Variants in RNF122 observed in about 807,000 individuals in gnomAD.
RNF122 encodes ring finger protein 122.
In RNF122, 17 loss-of-function variants were observed where a neutral mutation model predicts 24.2. The ratio of observed to expected loss-of-function variants is 0.70; its 90% CI spans 0.48 to 1.06. RNF122 has a LOEUF of 1.06. Ranked by LOEUF, RNF122 falls within the 50% of genes least tolerant of loss-of-function variation. The pLI, the probability that RNF122 is intolerant of heterozygous loss-of-function variation, is 0.00. For synonymous variants in RNF122, 65 were observed against 71.8 expected (o/e 0.91, Z 0.48); for missense variants, 168 against 198.1 (o/e 0.85, Z 0.91).
At chr8:33,548,906 G>C in intron 5 of RNF122, 39 bp from the exon 6 acceptor site, 1 of 1,348,224 alleles carries the variant, frequency 7.4e-7, no homozygotes, top group East Asian at 2.3e-5. Flanking sequence ...TAACCAGACA[G>C]ACCACGCTGC....
rs1337829210 is a variant in RNF122 at position 33,548,814 on chromosome 8, G to C, written c.407C>G (p.Pro136Arg). 1.9e-6 allele frequency: 3 copies of C among 1,613,852 alleles called. No homozygotes were observed. In the African/African-American group the frequency reaches 4.0e-5, roughly 22 times the overall value. Residue 136 changes from proline (P) to arginine (R), a missense_variant, in exon 6 of 6, where the codon CCC becomes CGC. Coordinates refer to ENST00000256257, the MANE Select transcript of RNF122 (RefSeq NM_024787.3). ...CGTGGCCTCTGAGGGACTAGCAATG[G>C]GCTTGTTACACATGGGGCAGACACA... ...VRCVCPMCNK[P>R]IASPSEATQN...
At chr8:33,549,340 T>C in intron 5 of RNF122, 70 bp downstream of exon 5, 1 of 1,270,118 alleles carries the variant, frequency 7.9e-7, no homozygotes, top group Non-Finnish European at 1.2e-6. Flanking sequence ...TGGCAGAGAC[T>C]GGAAGTTTCC....
intron 2 of RNF122, among the ~76,000 whole-genome samples, chr8:33,558,057 T>G (rs766092351): frequency 2.0e-5 from 3 of 151,978 alleles, no homozygotes; most frequent in Non-Finnish European, 4.4e-5. Context: ...GCAGGAGAAT[T>G]GCTTGAACCC....
intron 1 of RNF122, among the ~76,000 whole-genome samples, chr8:33,559,864 CAG>C (rs1810514286): frequency 7.5e-6 from 1 of 132,472 alleles, no homozygotes; most frequent in Non-Finnish European, 1.6e-5. Context: ...TTTTTTTAAA[CAG>C]AGTCTTGCTC....
chr8:33,555,146 T>C (rs1810432794), intron 2 of RNF122, among the ~76,000 whole-genome samples: 1 of 152,084 alleles, frequency 6.6e-6, no homozygotes, highest in African/African-American at 2.4e-5. Flanking sequence ...CACAGTGGGG[T>C]CAGCTTTTAG....
intron 1 of RNF122, among the ~76,000 whole-genome samples, chr8:33,565,511 G>C (rs539254621): frequency 6.6e-6 from 1 of 152,172 alleles, no homozygotes; most frequent in Non-Finnish European, 1.5e-5. Context: ...AGGAGGACTG[G>C]AGCGGGTGGG....
chr8:33,552,102 T>C (rs1810384553), intron 2 of RNF122, among the ~76,000 whole-genome samples: 1 of 152,196 alleles, frequency 6.6e-6, no homozygotes, highest in Non-Finnish European at 1.5e-5. Flanking sequence ...ATACCTTCGC[T>C]TTTACAGATA....
intron 2 of RNF122, among the ~76,000 whole-genome samples, chr8:33,552,807 C>T (rs1810396636): frequency 6.6e-6 from 1 of 151,926 alleles, no homozygotes; most frequent in Non-Finnish European, 1.5e-5. Flanking sequence ...GCCTGTAATC[C>T]CAGCATTTTG....
intron 2 of RNF122, among the ~76,000 whole-genome samples, chr8:33,552,854 T>C (rs1030024416): frequency 6.6e-6 from 1 of 151,404 alleles, no homozygotes; most frequent in Admixed American, 6.6e-5. Context: ...AGCTCAGGAG[T>C]TTGAGACCAG....
At chr8:33,564,627 C>T (rs933957761) in intron 1 of RNF122, among the ~76,000 whole-genome samples, 21 of 151,826 alleles carry the variant, frequency 1.4e-4, no homozygotes, top group Non-Finnish European at 5.9e-5. Flanking sequence ...AATCCCAGCA[C>T]TTTGGGAGGC....
chr8:33,555,672 T>A (rs929269878), intron 2 of RNF122, among the ~76,000 whole-genome samples: 1 of 152,252 alleles, frequency 6.6e-6, no homozygotes, highest in African/African-American at 2.4e-5. Context: ...TTGGAAGGAC[T>A]CGGCAAGACC....
At chr8:33,564,943 C>T (rs1215991186) in intron 1 of RNF122, among the ~76,000 whole-genome samples, 1 of 152,098 alleles carries the variant, frequency 6.6e-6, no homozygotes, top group African/African-American at 2.4e-5. Flanking sequence ...AGGGCGCTGC[C>T]CAGAAAGGGC....
In RNF122 at chr8:33,558,748, C is replaced by G. The variant is rs778092147; in HGVS notation, c.49G>C (p.Val17Leu). The change falls in exon 2 of 6, where the codon GTT becomes CTT. Residue 17 changes from valine (V) to leucine (L), a missense_variant. By Grantham distance (32) the Val-to-Leu change is conservative (BLOSUM62 1). Transcript: ENST00000256257. ...CNGCFCGLGL[V>L]STNKSCSMPP... ...ATCGAGCAGGACTTGTTGGTGCTAA[C>G]CAGTCCCAGGCCACAGAAACACCCT... 4 of 1,598,736 alleles carry G rather than the reference C, an allele frequency of 2.5e-6. No individual in the cohort carries two copies. The Admixed American group carries it at 6.8e-5, about 27-fold the overall frequency.
At chr8:33,553,354 T>A (rs1810404377) in intron 2 of RNF122, among the ~76,000 whole-genome samples, 1 of 150,738 alleles carries the variant, frequency 6.6e-6, no homozygotes, top group Non-Finnish European at 1.5e-5. Context: ...AGGCCAGGAG[T>A]TTGAGACCAG....
intron 2 of RNF122, among the ~76,000 whole-genome samples, chr8:33,554,326 C>T (rs1203359522): frequency 6.6e-6 from 1 of 152,190 alleles, no homozygotes; most frequent in Non-Finnish European, 1.5e-5. Context: ...GCACCAATGT[C>T]TCACCTGCAA....
chr8:33,563,903 G>A (rs375024428), intron 1 of RNF122, among the ~76,000 whole-genome samples: 22 of 152,212 alleles, frequency 1.4e-4, no homozygotes, highest in Non-Finnish European at 2.8e-4. Context: ...GATGGTCCCC[G>A]CAAGTCCTCT....
intron 4 of RNF122, 22 bp downstream of exon 4, chr8:33,551,022 C>T (rs375785450): frequency 6.8e-6 from 11 of 1,613,498 alleles, no homozygotes; most frequent in Non-Finnish European, 9.3e-6. Context: ...GGCCCTCCTG[C>T]ACACTTTCCT....
chr8:33,563,395 A>G (rs1810570549), intron 1 of RNF122, among the ~76,000 whole-genome samples: 1 of 152,172 alleles, frequency 6.6e-6, no homozygotes, highest in South Asian at 2.1e-4. Context: ...TGCTTTATGC[A>G]CTGACCTACA....
Position 33,548,712 on chromosome 8 carries a change from AG to A in RNF122, c.*40del, listed in dbSNP as rs745334318. 3 of 1,239,686 alleles carry A rather than the reference AG, an allele frequency of 2.4e-6. No homozygotes were observed. The highest frequency in any genetic ancestry group is 3.6e-6 in the Non-Finnish European group (3 of 839,532). 76.8% of individuals were successfully genotyped at this position (1,239,686 alleles called of 1,614,324 possible). A position where few individuals can be genotyped will look rare whatever the true frequency, so the allele number is the denominator to read the frequency against. The stretch of plus-strand genomic sequence containing the variant: ...TGTGCAGAGGGACCAGACATCCATG[AG>A]GCAAGAGGTCTTCTCCAGGTCTCGG... On this transcript the variant is annotated 3_prime_UTR_variant, in exon 6 of 6. Coordinates refer to ENST00000256257, the MANE Select transcript of RNF122 (RefSeq NM_024787.3).
Sources: allele counts gnomAD v4.1 joint callset (sites outside exome capture counted in the v4.1 genomes callset), GRCh38; gene constraint gnomAD v4.1.1; transcripts MANE v1.5; gene names NCBI Gene and HGNC (gene_info 2026-07-23, HGNC 2026-07-21).